SUGCT: variants seen among roughly 807,000 people sequenced by gnomAD.
SUGCT encodes succinyl-CoA:glutarate CoA-transferase.
In SUGCT, 41 loss-of-function variants were observed where a neutral mutation model predicts 55.0. The ratio of observed to expected loss-of-function variants is 0.74; its 90% CI spans 0.58 to 0.97. The LOEUF is 0.97. Ranked by LOEUF, SUGCT falls within the 50% of genes least tolerant of loss-of-function variation. SUGCT has a pLI of 0.00. For missense variants in SUGCT, 568 were observed against 547.8 expected (o/e 1.04, Z -0.37); for synonymous variants, 187 against 200.4 (o/e 0.93, Z 0.56).
rs746391689 is a variant in SUGCT, at chr7:40,188,434, C to CCAA, written c.227-61_227-60insCAA. Reference sequence around the variant, plus strand: ...GGGCAACAGAGCAAGACTCCATCTCCAAAAAAAAAAAAAAAAAAAAACAAA... The same window carrying CCAA: ...GGGCAACAGAGCAAGACTCCATCTCCCAAAAAAAAAAAAAAAAAAAAAAACAAA... On this transcript the variant is annotated intron_variant, in intron 3 of 13. Transcript: ENST00000335693. 4,236 of 595,282 alleles carry CCAA rather than the reference C, an allele frequency of 7.1e-3. 15 individuals carry two copies. The highest frequency in any genetic ancestry group is 9.0e-3 in the Admixed American group (163 of 18,150). The allele number at this position is 595,282 out of a possible 1,614,324, so 36.9% of individuals were successfully genotyped here.
chr7:40,598,149 C>A (rs555416171), intron 12 of SUGCT, among the ~76,000 whole-genome samples: 4 of 152,092 alleles, frequency 2.6e-5, no homozygotes, highest in African/African-American at 9.7e-5. Context: ...GTGCCACATG[C>A]CAAGATATCA....
intron 12 of SUGCT, among the ~76,000 whole-genome samples, chr7:40,634,663 C>T (rs964442696): frequency 9.9e-5 from 15 of 152,038 alleles, no homozygotes; most frequent in African/African-American, 1.5e-4. Context: ...TTTTAAAACG[C>T]GAGGGAATTT....
chr7:40,528,547 C>T (rs1357541121), intron 12 of SUGCT, among the ~76,000 whole-genome samples: 1 of 152,076 alleles, frequency 6.6e-6, no homozygotes. Context: ...ATCTTCGTTT[C>T]TGTCTTATTT....
At chr7:40,755,617 C>A (rs1475162878) in intron 13 of SUGCT, among the ~76,000 whole-genome samples, 1 of 152,162 alleles carries the variant, frequency 6.6e-6, no homozygotes, top group Admixed American at 6.5e-5. Context: ...TGTGGAGGTG[C>A]CAAGTTAGCA....
chr7:40,199,043 G>A (rs1221392568), intron 6 of SUGCT, among the ~76,000 whole-genome samples: 1 of 151,272 alleles, frequency 6.6e-6, no homozygotes, highest in Non-Finnish European at 1.5e-5. Flanking sequence ...CTGTGTGTGT[G>A]TGTTTTTTTT....
At chr7:40,695,265 A>G (rs1784875841) in intron 12 of SUGCT, among the ~76,000 whole-genome samples, 1 of 151,302 alleles carries the variant, frequency 6.6e-6, no homozygotes, top group Non-Finnish European at 1.5e-5. Flanking sequence ...TGGTGCGATC[A>G]TGGCTCACTG....
chr7:40,580,241 A>G (rs1211790412), intron 12 of SUGCT, among the ~76,000 whole-genome samples: 1 of 152,242 alleles, frequency 6.6e-6, no homozygotes, highest in African/African-American at 2.4e-5. Flanking sequence ...TGTATATAGT[A>G]CATATATATC....
chr7:40,186,087 T>TCCTTCCTTCCTTCC lies in SUGCT; in HGVS notation c.227-2408_227-2407insCCTTCCTTCCTTCC, dbSNP rs1329834661. Among the ~76,000 whole-genome samples, 10 of 133,872 alleles carry TCCTTCCTTCCTTCC rather than the reference T, an allele frequency of 7.5e-5. No individual in the cohort carries two copies. The South Asian group carries it at 2.2e-3, about 30-fold the overall frequency. The allele number at this position is 133,872 out of a possible 152,430, so 87.8% of individuals were successfully genotyped here. On this transcript the variant is annotated intron_variant, in intron 3 of 13. Transcript: ENST00000335693. ...TTGTTTTCTTTCTTTCTTTCTCTCTTTTTCTTCCTTCCTTCCTTCCTTCCT... is the reference window on the plus strand; with the variant it reads ...TTGTTTTCTTTCTTTCTTTCTCTCTTCCTTCCTTCCTTCCTTTCTTCCTTCCTTCCTTCCTTCCT...
rs564559398 is a variant in SUGCT at position 40,368,658 on chromosome 7, T to C, written c.816+51803T>C. Among the ~76,000 whole-genome samples the C allele has an allele frequency of 9.7e-4, 148 of 152,322 alleles. 1 individual carries two copies. In the South Asian group the frequency reaches 0.01, roughly 11 times the overall value. On this transcript the variant is annotated intron_variant, in intron 9 of 13. Transcript: ENST00000335693. ...CTAGGTCTGAAACTAGTTTTGACTC[T>C]AATTTACCACTACTCTGAACTAGGC...
chr7:40,834,991 T>C (rs950286542), intron 13 of SUGCT, among the ~76,000 whole-genome samples: 2 of 152,170 alleles, frequency 1.3e-5, no homozygotes, highest in African/African-American at 4.8e-5. Flanking sequence ...GACTTTTTAG[T>C]GTTTTCATTC....
chr7:40,487,883 T>A (rs997266665), intron 11 of SUGCT, among the ~76,000 whole-genome samples: 2 of 152,128 alleles, frequency 1.3e-5, no homozygotes, highest in African/African-American at 2.4e-5. Flanking sequence ...TCACTTTCAG[T>A]CTGTGGGTAT....
At chr7:40,792,757 G>C (rs1790375876) in intron 13 of SUGCT, among the ~76,000 whole-genome samples, 1 of 152,104 alleles carries the variant, frequency 6.6e-6, no homozygotes, top group South Asian at 2.1e-4. Context: ...AAGACAGTTT[G>C]ATTTTGAGTA....
chr7:40,747,804 AT>A (rs1313644020), intron 12 of SUGCT, among the ~76,000 whole-genome samples: 2 of 152,172 alleles, frequency 1.3e-5, no homozygotes, highest in Non-Finnish European at 2.9e-5. Context: ...AAATAAAAAA[AT>A]GTGTTGCATT....
chr7:40,929,265 A>G, the SUGCT span, among the ~76,000 whole-genome samples: 4 of 152,036 alleles, frequency 2.6e-5, no homozygotes, highest in African/African-American at 9.7e-5. Flanking sequence ...ATTCTTTTTT[A>G]TGGCTCCATA....
At chr7:40,343,846 C>G (rs936833827) in intron 9 of SUGCT, among the ~76,000 whole-genome samples, 2 of 152,058 alleles carry the variant, frequency 1.3e-5, no homozygotes, top group African/African-American at 2.4e-5. Context: ...TTAGTAGAGA[C>G]AGGGTTTCAC....
chr7:40,321,099 T>C (rs1473681442), intron 9 of SUGCT, among the ~76,000 whole-genome samples: 1 of 128,258 alleles, frequency 7.8e-6, no homozygotes, highest in Non-Finnish European at 1.7e-5. Flanking sequence ...TTTTTTGAAG[T>C]GGAGTCTCAC....
chr7:40,357,478 A>G (rs1157946668), intron 9 of SUGCT, among the ~76,000 whole-genome samples: 3 of 152,108 alleles, frequency 2.0e-5, no homozygotes, highest in Non-Finnish European at 4.4e-5. Context: ...TTGTTGAGTT[A>G]TGATTGTGTC....
chr7:40,488,572 T>C (rs781112860), intron 11 of SUGCT, among the ~76,000 whole-genome samples: 33 of 152,282 alleles, frequency 2.2e-4, no homozygotes, highest in Middle Eastern at 3.4e-3. Context: ...TATCAGTGAG[T>C]TTTATACTTC....
At chr7:40,936,595 T>G in the SUGCT span, among the ~76,000 whole-genome samples, 1 of 151,854 alleles carries the variant, frequency 6.6e-6, no homozygotes, top group Non-Finnish European at 1.5e-5. Context: ...ATTCTCTATT[T>G]CATGTATTTA....
Sources: allele counts gnomAD v4.1 joint callset (sites outside exome capture counted in the v4.1 genomes callset), GRCh38; gene constraint gnomAD v4.1.1; transcripts MANE v1.5; gene names NCBI Gene and HGNC (gene_info 2026-07-23, HGNC 2026-07-21).